CACNA2D1: variants seen among roughly 807,000 people sequenced by gnomAD.
CACNA2D1 encodes the protein calcium voltage-gated channel auxiliary subunit alpha2delta 1.
CACNA2D1 carries 53 observed loss-of-function variants against 171.5 expected under a neutral mutation model. That is an observed-to-expected ratio of 0.31 (90% CI 0.25 to 0.39). CACNA2D1 has a LOEUF of 0.39. Ranked by LOEUF, CACNA2D1 falls within the 10% of genes least tolerant of loss-of-function variation. The probability of loss-of-function intolerance (pLI) is 1.00; values close to 1 mark genes in which losing one functional copy is unlikely to be tolerated. For synonymous variants in CACNA2D1, 442 were observed against 443.1 expected, an observed-to-expected ratio of 1.00 and a Z score of 0.03; for missense variants, 903 against 1,299.8, an observed-to-expected ratio of 0.69 and a Z score of 4.69.
At chr7:82,335,055 A>C in intron 3 of CACNA2D1, 80 bp downstream of exon 3, 1 of 924,062 alleles carries the variant, frequency 1.1e-6, no homozygotes, top group South Asian at 1.3e-5. Flanking sequence ...CGCATACCAA[A>C]ACCCCTCAAT....
chr7:82,009,429 C>T (rs958375339), intron 15 of CACNA2D1, among the ~76,000 whole-genome samples: 3 of 152,020 alleles, frequency 2.0e-5, no homozygotes, highest in African/African-American at 7.2e-5. Flanking sequence ...ATTAATGCTT[C>T]CAATGAAAAC....
At chr7:82,354,589 G>A (rs1820215833) in intron 1 of CACNA2D1, among the ~76,000 whole-genome samples, 7 of 152,110 alleles carry the variant, frequency 4.6e-5, no homozygotes, top group Admixed American at 4.6e-4. Flanking sequence ...TAATGAAGGA[G>A]GACCAGTTAT....
chr7:82,221,788 AC>A (rs1281229003), intron 3 of CACNA2D1, among the ~76,000 whole-genome samples: 4 of 150,562 alleles, frequency 2.7e-5, no homozygotes, highest in Non-Finnish European at 3.0e-5. Flanking sequence ...AAAAAAAAAA[AC>A]ACTACGAATT....
chr7:82,171,601 C>T lies in CACNA2D1; in HGVS notation c.295-992G>A, dbSNP rs966724075. 7.2e-5 allele frequency among the ~76,000 whole-genome samples: 11 copies of T among 152,196 alleles called. No homozygotes were observed. The East Asian group carries it at 1.9e-3, about 27-fold the overall frequency. ...TAAATGAGTTACAAAGTGCTTAGAA[C>T]AGTGCCTGGCACAAACTAAACAATA... On this transcript the variant is annotated intron_variant, in intron 3 of 38. Transcript: ENST00000356860.
chr7:82,143,868 T>C (rs780134592), intron 4 of CACNA2D1, among the ~76,000 whole-genome samples: 16 of 152,214 alleles, frequency 1.1e-4, no homozygotes, highest in Non-Finnish European at 2.2e-4. Context: ...GGAGTTTCTA[T>C]GTTTTAAAAA....
intron 12 of CACNA2D1, among the ~76,000 whole-genome samples, chr7:82,023,227 G>A (rs889476159): frequency 6.6e-6 from 1 of 151,840 alleles, no homozygotes; most frequent in Admixed American, 6.6e-5. Flanking sequence ...CAATGCTGCA[G>A]GTAAAGATTA....
intron 2 of CACNA2D1, among the ~76,000 whole-genome samples, chr7:82,347,904 T>C (rs1297883371): frequency 1.3e-5 from 2 of 152,132 alleles, no homozygotes; most frequent in Non-Finnish European, 2.9e-5. Flanking sequence ...TAAAGCATAA[T>C]AGAAACCAGG....
intron 2 of CACNA2D1, among the ~76,000 whole-genome samples, chr7:82,346,177 G>A (rs1819232542): frequency 1.3e-5 from 2 of 152,168 alleles, no homozygotes; most frequent in South Asian, 4.1e-4. Flanking sequence ...CCCATGCTAA[G>A]GATGGCAGAG....
intron 7 of CACNA2D1, among the ~76,000 whole-genome samples, chr7:82,074,122 G>A (rs1227613708): frequency 6.6e-6 from 1 of 152,184 alleles, no homozygotes; most frequent in Non-Finnish European, 1.5e-5. Flanking sequence ...ATCTTTGGAT[G>A]GTCTGAATGT....
intron 7 of CACNA2D1, among the ~76,000 whole-genome samples, chr7:82,075,759 A>G (rs1457882386): frequency 1.3e-5 from 2 of 152,174 alleles, no homozygotes; most frequent in East Asian, 3.9e-4. Flanking sequence ...GTTTTTGACA[A>G]AAAAATCTTT....
intron 38 of CACNA2D1, among the ~76,000 whole-genome samples, chr7:81,954,019 T>G (rs189733434): frequency 6.6e-6 from 1 of 152,204 alleles, no homozygotes; most frequent in African/African-American, 2.4e-5. Flanking sequence ...AATGTGTCTT[T>G]TAAGTTTCCT....
At chr7:81,965,823 A>C (rs1794658778) in intron 31 of CACNA2D1, among the ~76,000 whole-genome samples, 158 bp from the exon 32 acceptor site, 1 of 151,808 alleles carries the variant, frequency 6.6e-6, no homozygotes, top group Admixed American at 6.6e-5. Context: ...TGGTGAAATA[A>C]AGGCATGCAT....
At chr7:81,984,796 A>G in intron 21 of CACNA2D1, 85 bp from the exon 22 acceptor site, 2 of 761,270 alleles carry the variant, frequency 2.6e-6, no homozygotes, top group South Asian at 3.0e-5. Context: ...GTTCATGGGA[A>G]AATCGAAAGA....
intron 5 of CACNA2D1, among the ~76,000 whole-genome samples, chr7:82,135,972 T>C (rs986067393): frequency 1.3e-5 from 2 of 152,170 alleles, no homozygotes; most frequent in African/African-American, 4.8e-5. Flanking sequence ...AAAAATTAAG[T>C]GTAACCTTTA....
At chr7:82,193,515 C>T (rs899072641) in intron 3 of CACNA2D1, among the ~76,000 whole-genome samples, 3 of 151,882 alleles carry the variant, frequency 2.0e-5, no homozygotes, top group Non-Finnish European at 4.4e-5. Flanking sequence ...TGAAATGTCT[C>T]ATTTTTTAAG....
At chr7:82,276,741 T>C (rs191297081) in intron 3 of CACNA2D1, among the ~76,000 whole-genome samples, 1 of 136,392 alleles carries the variant, frequency 7.3e-6, no homozygotes, top group African/African-American at 2.7e-5. Context: ...TCTCCCTTTT[T>C]CTTTTTCTTT....
At chr7:82,384,121 C>G (rs1387121967) in intron 1 of CACNA2D1, among the ~76,000 whole-genome samples, 1 of 152,132 alleles carries the variant, frequency 6.6e-6, no homozygotes, top group Non-Finnish European at 1.5e-5. Context: ...CACATTTCAT[C>G]TGACTAAAAC....
intron 3 of CACNA2D1, among the ~76,000 whole-genome samples, chr7:82,220,753 A>G (rs1045975736): frequency 2.0e-5 from 3 of 151,254 alleles, no homozygotes; most frequent in African/African-American, 7.3e-5. Flanking sequence ...AAACTCGAGA[A>G]ACAGAAAAGT....
intron 3 of CACNA2D1, among the ~76,000 whole-genome samples, chr7:82,270,517 C>T (rs1271621952): frequency 1.3e-5 from 2 of 151,984 alleles, no homozygotes; most frequent in Admixed American, 1.3e-4. Flanking sequence ...GGGTTGTTTC[C>T]AGTTAAGGAC....
Sources: allele counts gnomAD v4.1 joint callset (sites outside exome capture counted in the v4.1 genomes callset), GRCh38; gene constraint gnomAD v4.1.1; transcripts MANE v1.5; gene names NCBI Gene and HGNC (gene_info 2026-07-23, HGNC 2026-07-21).